The following CACNA2D2 variants were observed in gnomAD, a reference collection of about 807,000 sequenced individuals.
The protein encoded by CACNA2D2 is calcium voltage-gated channel auxiliary subunit alpha2delta 2, also known as voltage-dependent calcium channel subunit alpha-2/delta-2.
A neutral mutation model predicts 166.4 loss-of-function variants in CACNA2D2; 48 were observed. The ratio of observed to expected loss-of-function variants is 0.29; its 90% CI spans 0.23 to 0.37. The LOEUF is 0.37. CACNA2D2 is among the 10% of genes least tolerant of loss of function. CACNA2D2 has a pLI of 1.00. For synonymous variants in CACNA2D2, 561 were observed against 573.7 expected (o/e 0.98, Z 0.32); for missense variants, 1,122 against 1,433.0 (o/e 0.78, Z 3.50).
chr3:50,479,169 C>A (rs551887670), intron 1 of CACNA2D2, among the ~76,000 whole-genome samples: 2 of 152,204 alleles, frequency 1.3e-5, no homozygotes, highest in African/African-American at 4.8e-5. Flanking sequence ...CACTCTCCCT[C>A]CCTCCTTGTC....
At chr3:50,479,825 T>C (rs1201390560) in intron 1 of CACNA2D2, among the ~76,000 whole-genome samples, 2 of 152,188 alleles carry the variant, frequency 1.3e-5, no homozygotes, top group Admixed American at 6.5e-5. Context: ...CCAGACAATG[T>C]TGCCCACAGG....
intron 5 of CACNA2D2, among the ~76,000 whole-genome samples, chr3:50,384,546 C>T (rs929625252): frequency 2.0e-5 from 3 of 152,206 alleles, no homozygotes; most frequent in Non-Finnish European, 4.4e-5. Context: ...CTGTGACTCC[C>T]ATCTCCCCCT....
chr3:50,400,064 CAGAT>C (rs1339510461), intron 3 of CACNA2D2, among the ~76,000 whole-genome samples: 3 of 152,218 alleles, frequency 2.0e-5, no homozygotes, highest in African/African-American at 7.2e-5. Flanking sequence ...GTATTGTGCA[CAGAT>C]AGATACTAAA....
intron 6 of CACNA2D2, among the ~76,000 whole-genome samples, chr3:50,382,358 G>A (rs1438693334): frequency 6.6e-6 from 1 of 152,190 alleles, no homozygotes; most frequent in Non-Finnish European, 1.5e-5. Context: ...ACCACCTGCA[G>A]CAGGCAGACA....
intron 2 of CACNA2D2, among the ~76,000 whole-genome samples, chr3:50,443,187 G>T (rs1708684101): frequency 3.9e-5 from 6 of 152,244 alleles, no homozygotes; most frequent in Admixed American, 3.9e-4. Flanking sequence ...AAGTCGCCGG[G>T]TGCGGCCGGC....
chr3:50,413,515 G>A (rs1440968035), intron 3 of CACNA2D2, among the ~76,000 whole-genome samples: 2 of 152,086 alleles, frequency 1.3e-5, no homozygotes, highest in South Asian at 4.2e-4. Flanking sequence ...GGGAGGGTGG[G>A]ATGCTTCCCC....
At chr3:50,483,214 A>C (rs541763132) in intron 1 of CACNA2D2, among the ~76,000 whole-genome samples, 1 of 152,228 alleles carries the variant, frequency 6.6e-6, no homozygotes, top group Non-Finnish European at 1.5e-5. Flanking sequence ...GGGACCCTAG[A>C]ATGAGCAGCA....
At chr3:50,489,686 C>G (rs1698443508) in intron 1 of CACNA2D2, among the ~76,000 whole-genome samples, 1 of 152,222 alleles carries the variant, frequency 6.6e-6, no homozygotes, top group Non-Finnish European at 1.5e-5. Context: ...CTCTCCCCTA[C>G]TCAACTCCTG....
At chr3:50,461,760 A>G (rs530243611) in intron 2 of CACNA2D2, among the ~76,000 whole-genome samples, 38 of 112,252 alleles carry the variant, frequency 3.4e-4, no homozygotes, top group African/African-American at 8.9e-4. Flanking sequence ...AAAAAAAAAA[A>G]AAAGAAAAAA....
chr3:50,485,446 T>C (rs56766970), intron 1 of CACNA2D2, among the ~76,000 whole-genome samples: 19,862 of 152,300 alleles, frequency 0.13, 3,944 homozygotes, highest in African/African-American at 0.43. Context: ...CCCTAATATG[T>C]AACTGGTGAG....
intron 2 of CACNA2D2, among the ~76,000 whole-genome samples, chr3:50,441,064 A>T (rs1708568953): frequency 6.6e-6 from 1 of 151,770 alleles, no homozygotes. Flanking sequence ...GTTGGGGGAC[A>T]GAAGCTGGGG....
In CACNA2D2 at chr3:50,476,102, G is replaced by A. The variant is rs1697744882; in HGVS notation, c.288+16C>T. ...AAGAGGGTCCCTGAAGAGACAGCAA[G>A]TGGCACCGGGCTCACCTCACGGAGC... On this transcript the variant is annotated intron_variant, in intron 2 of 37. Transcript: ENST00000424201. The A allele has an allele frequency of 6.3e-7, 1 of 1,582,196 alleles. No homozygotes were observed. Among genetic ancestry groups the A allele is most frequent in the East Asian group, 2.3e-5 (1 of 43,708 alleles).
chr3:50,402,182 C>A (rs1706482371), intron 3 of CACNA2D2, among the ~76,000 whole-genome samples: 1 of 152,174 alleles, frequency 6.6e-6, no homozygotes, highest in Non-Finnish European at 1.5e-5. Flanking sequence ...TCGGGTGTGT[C>A]CTGGGACAGG....
chr3:50,428,549 G>T (rs575307983), intron 3 of CACNA2D2, among the ~76,000 whole-genome samples: 1 of 152,148 alleles, frequency 6.6e-6, no homozygotes, highest in African/African-American at 2.4e-5. Flanking sequence ...TGTGCAGAAG[G>T]GTTTTTAATT....
At chr3:50,458,953 T>C (rs1709482450) in intron 2 of CACNA2D2, among the ~76,000 whole-genome samples, 1 of 152,196 alleles carries the variant, frequency 6.6e-6, no homozygotes, top group African/African-American at 2.4e-5. Flanking sequence ...ATCAACTCTC[T>C]AGGCTCTGGA....
Position 50,376,279 on chromosome 3 carries a change from A to G in CACNA2D2, c.1627-91T>C. ...TCTTCCCTATTTGGCCTCCCACCGC[A>G]CCGAGAGATTCTGTTTGCCTGCCTT... On this transcript the variant is annotated intron_variant, in intron 17 of 37. Transcript: ENST00000424201. The surrounding 1 kb of genome is among the most constrained non-coding windows in gnomAD (Gnocchi z 4.3). 7.6e-7 allele frequency: 1 copy of G among 1,320,698 alleles called. No homozygotes were observed. Among genetic ancestry groups the G allele is most frequent in the Non-Finnish European group, 1.1e-6 (1 of 942,442 alleles). 81.8% of individuals were successfully genotyped at this position (1,320,698 alleles called of 1,614,324 possible). A position where few individuals can be genotyped will look rare whatever the true frequency, so the allele number is the denominator to read the frequency against.
In CACNA2D2 at chr3:50,375,223, G is replaced by A. The variant is rs952697348; in HGVS notation, c.1908-410C>T. Among the ~76,000 whole-genome samples, 2 of 152,234 alleles carry A rather than the reference G, an allele frequency of 1.3e-5. No homozygotes were observed. The highest frequency in any genetic ancestry group is 1.9e-4 in the East Asian group (1 of 5,198). ...AAAGCCAGCAGAAAGCAGGGCTGGC[G>A]CAGATATGGTGGGGGCAGGGGGTGG... On this transcript the variant is annotated intron_variant, in intron 21 of 37. Transcript: ENST00000424201. This position sits in a 1 kb window ranked among gnomAD's most constrained non-coding sequence, Gnocchi z 4.0.
intron 2 of CACNA2D2, among the ~76,000 whole-genome samples, chr3:50,453,646 G>T (rs1369465451): frequency 6.6e-6 from 1 of 152,222 alleles, no homozygotes; most frequent in African/African-American, 2.4e-5. Flanking sequence ...GGCTGCTCAG[G>T]ATTTGCACCC....
At chr3:50,502,378 C>T (rs1459813947) in intron 1 of CACNA2D2, among the ~76,000 whole-genome samples, 3 of 152,244 alleles carry the variant, frequency 2.0e-5, no homozygotes, top group African/African-American at 7.2e-5. Flanking sequence ...CTAAAGGCCA[C>T]ATGCACTGAA....
Sources: allele counts gnomAD v4.1 joint callset (sites outside exome capture counted in the v4.1 genomes callset), GRCh38; gene constraint gnomAD v4.1.1; non-coding constraint Gnocchi (gnomAD v3.1); transcripts MANE v1.5; gene names NCBI Gene and HGNC (gene_info 2026-07-23, HGNC 2026-07-21).